The following SYBU variants were observed in gnomAD, a reference collection of about 807,000 sequenced individuals.
SYBU encodes the protein syntabulin.
A neutral mutation model predicts 35.9 loss-of-function variants in SYBU; 21 were observed. The ratio of observed to expected loss-of-function variants is 0.58; its 90% CI spans 0.41 to 0.84. SYBU has a LOEUF of 0.84. Among genes scored for constraint, SYBU ranks in the 40% least tolerant of loss-of-function variants. The probability of loss-of-function intolerance (pLI) is 0.00; values close to 1 mark genes in which losing one functional copy is unlikely to be tolerated. For synonymous variants in SYBU, 319 were observed against 324.3 expected (o/e 0.98, Z 0.18); for missense variants, 768 against 848.2 (o/e 0.91, Z 1.17).
At chr8:109,590,540 A>G (rs758199484) in intron 3 of SYBU, among the ~76,000 whole-genome samples, 4 of 152,062 alleles carry the variant, frequency 2.6e-5, no homozygotes, top group South Asian at 2.1e-4. Flanking sequence ...GCTGCCATAT[A>G]CTTAAAATAA....
upstream of SYBU, among the ~76,000 whole-genome samples, chr8:109,685,789 A>C (rs545801193): frequency 2.6e-4 from 40 of 152,316 alleles, no homozygotes; most frequent in African/African-American, 9.6e-4. Flanking sequence ...TTAAAATTAT[A>C]TGAAAAATGT....
intron 1 of SYBU, among the ~76,000 whole-genome samples, chr8:109,653,318 A>G (rs1795854802): frequency 6.6e-6 from 1 of 152,228 alleles, no homozygotes; most frequent in South Asian, 2.1e-4. Context: ...TTAGTTAGGT[A>G]TAATTATACT....
intron 1 of SYBU, among the ~76,000 whole-genome samples, chr8:109,652,948 T>C (rs2130722194): frequency 6.6e-6 from 1 of 152,344 alleles, no homozygotes; most frequent in South Asian, 2.1e-4. Context: ...TAGGTCTATT[T>C]TGAGGATTAA....
upstream of SYBU, chr8:109,647,805 G>C (rs201532548): frequency 2.6e-5 from 4 of 152,242 alleles, no homozygotes; most frequent in East Asian, 7.7e-4. Context: ...TGCAGGCACT[G>C]AGAGGCTGTG....
At chr8:109,658,814 C>T (rs762917519) in intron 1 of SYBU, among the ~76,000 whole-genome samples, 54 of 152,082 alleles carry the variant, frequency 3.6e-4, no homozygotes, top group Admixed American at 6.5e-5. Context: ...ATTAGCTGGG[C>T]GTGGTGGCGC....
intron 5 of SYBU, 56 bp from the exon 6 acceptor site, chr8:109,578,073 A>T: frequency 6.4e-7 from 1 of 1,563,066 alleles, no homozygotes; most frequent in Non-Finnish European, 8.7e-7. Context: ...TTCTATAAAA[A>T]GAAGAGTAAC....
intron 3 of SYBU, among the ~76,000 whole-genome samples, chr8:109,602,350 G>A (rs1825629699): frequency 6.6e-6 from 1 of 150,798 alleles, no homozygotes. Flanking sequence ...ATTGCCTGAA[G>A]AATTTGTGAA....
intron 1 of SYBU, among the ~76,000 whole-genome samples, chr8:109,660,371 G>A (rs1010543464): frequency 7.2e-5 from 11 of 151,982 alleles, no homozygotes; most frequent in East Asian, 3.8e-4. Flanking sequence ...GTGTATTTAC[G>A]TTAGTATTGT....
intron 3 of SYBU, among the ~76,000 whole-genome samples, chr8:109,602,047 A>G (rs1259133595): frequency 6.6e-6 from 1 of 152,172 alleles, no homozygotes; most frequent in Non-Finnish European, 1.5e-5. Context: ...ATGGGTCATA[A>G]GGTAAGGGAA....
chr8:109,618,768 G>A (rs1014088624), intron 3 of SYBU, 74 bp downstream of exon 3: 2 of 1,318,924 alleles, frequency 1.5e-6, no homozygotes, highest in Middle Eastern at 2.3e-4. Flanking sequence ...TCGATATACA[G>A]GTGTTTAGTT....
intron 3 of SYBU, among the ~76,000 whole-genome samples, chr8:109,618,082 T>C (rs1424497631): frequency 3.3e-5 from 5 of 152,214 alleles, no homozygotes; most frequent in Non-Finnish European, 7.3e-5. Context: ...TTTCAGCTCA[T>C]AAATATGGAT....
chr8:109,580,147 G>A (rs1208642197), intron 4 of SYBU, 145 bp from the exon 5 acceptor site: 8 of 705,262 alleles, frequency 1.1e-5, no homozygotes, highest in African/African-American at 5.3e-5. Context: ...CCTTAGGAGC[G>A]GCCTTCTTCC....
chr8:109,598,583 C>G (rs1159997347), intron 3 of SYBU, among the ~76,000 whole-genome samples: 4 of 152,214 alleles, frequency 2.6e-5, no homozygotes, highest in South Asian at 2.1e-4. Context: ...AAATACTCAT[C>G]ATCATCATCA....
intron 1 of SYBU, among the ~76,000 whole-genome samples, chr8:109,663,250 A>AATAC (rs1328774340): frequency 0.013 from 1,870 of 140,218 alleles, 36 homozygotes; most frequent in African/African-American, 0.052. Context: ...GTTTAATAAA[A>AATAC]ATACATACAG....
chr8:109,667,462 T>C (rs1023949966), intron 1 of SYBU, among the ~76,000 whole-genome samples: 1 of 151,362 alleles, frequency 6.6e-6, no homozygotes, highest in African/African-American at 2.4e-5. Flanking sequence ...TAAACAAGAA[T>C]ATTAAAACAC....
intron 6 of SYBU, among the ~76,000 whole-genome samples, chr8:109,577,224 G>A (rs1419812318): frequency 6.6e-6 from 1 of 152,088 alleles, no homozygotes; most frequent in Non-Finnish European, 1.5e-5. Flanking sequence ...CCCTCACCCT[G>A]AGCTCACAGC....
intron 1 of SYBU, chr8:109,680,635 T>A (rs1418930504): frequency 6.6e-6 from 1 of 152,244 alleles, no homozygotes; most frequent in Non-Finnish European, 1.5e-5. Flanking sequence ...TTAATATTTT[T>A]ACGACAAATC....
intron 3 of SYBU, among the ~76,000 whole-genome samples, chr8:109,609,090 TCCACTCTA>T (rs1243439524): frequency 6.6e-6 from 1 of 152,200 alleles, no homozygotes; most frequent in African/African-American, 2.4e-5. Flanking sequence ...GGTGACCTGG[TCCACTCTA>T]CCTCAATGTC....
intron 2 of SYBU, among the ~76,000 whole-genome samples, chr8:109,634,183 T>G (rs1398631182): frequency 6.6e-6 from 1 of 152,192 alleles, no homozygotes; most frequent in African/African-American, 2.4e-5. Flanking sequence ...CAGTGATCTC[T>G]CTTTTTGCCA....
Sources: allele counts gnomAD v4.1 joint callset (sites outside exome capture counted in the v4.1 genomes callset), GRCh38; gene constraint gnomAD v4.1.1; transcripts MANE v1.5; gene names NCBI Gene and HGNC (gene_info 2026-07-23, HGNC 2026-07-21).